Variants in NTRK3 observed in about 807,000 individuals in gnomAD.
NTRK3 encodes neurotrophic receptor tyrosine kinase 3, also known as NT-3 growth factor receptor.
Under a neutral mutation model 91.7 loss-of-function variants are expected in NTRK3, and 24 were observed. That is an observed-to-expected ratio of 0.26 (90% CI 0.19 to 0.37). NTRK3 has a LOEUF of 0.37. NTRK3 is among the 10% of genes least tolerant of loss of function. The probability of loss-of-function intolerance (pLI) is 1.00; values close to 1 mark genes in which losing one functional copy is unlikely to be tolerated. For missense variants in NTRK3, 880 were observed against 1,068.9 expected, an observed-to-expected ratio of 0.82 and a Z score of 2.46; for synonymous variants, 483 against 404.0, an observed-to-expected ratio of 1.20 and a Z score of -2.34.
exon 19 of NTRK3, chr15:87,870,712 A>G (rs933661439): frequency 4.9e-5 from 11 of 222,718 alleles, no homozygotes; most frequent in Non-Finnish European, 9.0e-5. Flanking sequence ...CATTGCTAAA[A>G]TGAGAAGAAA....
At chr15:88,131,901 A>T (rs907304461) in intron 10 of NTRK3, 1 of 192,758 alleles carries the variant, frequency 5.2e-6, no homozygotes, top group East Asian at 8.1e-5. Flanking sequence ...CTCTGACTGC[A>T]CCAGCAGGCT....
intron 13 of NTRK3, among the ~76,000 whole-genome samples, chr15:88,044,934 T>C (rs2080036109): frequency 6.6e-6 from 1 of 152,220 alleles, no homozygotes; most frequent in South Asian, 2.1e-4. Context: ...GGGCTGTGCA[T>C]GCCCTGCGGG....
At chr15:87,952,005 T>A (rs2071152884) in intron 14 of NTRK3, among the ~76,000 whole-genome samples, 1 of 151,972 alleles carries the variant, frequency 6.6e-6, no homozygotes, top group African/African-American at 2.4e-5. Flanking sequence ...CACGCACCTG[T>A]AATCCTAGCT....
chr15:88,231,531 C>A (rs1598082492), intron 3 of NTRK3, among the ~76,000 whole-genome samples: 1 of 151,980 alleles, frequency 6.6e-6, no homozygotes, highest in Non-Finnish European at 1.5e-5. Flanking sequence ...TGAGTCTATG[C>A]AAATTTAGCT....
chr15:88,049,036 G>T (rs1433747681), intron 13 of NTRK3, among the ~76,000 whole-genome samples: 1 of 152,170 alleles, frequency 6.6e-6, no homozygotes, highest in Non-Finnish European at 1.5e-5. Context: ...AATCAGAGAA[G>T]GATATATTTT....
chr15:88,048,527 G>A (rs1331901826), intron 13 of NTRK3, among the ~76,000 whole-genome samples: 1 of 152,118 alleles, frequency 6.6e-6, no homozygotes, highest in Non-Finnish European at 1.5e-5. Flanking sequence ...CCTGGTGTCT[G>A]CAGGGGTAAC....
intron 14 of NTRK3, among the ~76,000 whole-genome samples, chr15:87,953,668 CCTCAGGAACCCACATCAAACACA>C (rs753808984): frequency 7.9e-5 from 12 of 152,172 alleles, no homozygotes; most frequent in Non-Finnish European, 1.8e-4. Context: ...GGGGCATCAG[CCTCAGGAACCCACATCAAACACA>C]CTCAGGAGCC....
intron 6 of NTRK3, among the ~76,000 whole-genome samples, chr15:88,139,696 G>C (rs974569690): frequency 1.3e-5 from 2 of 152,078 alleles, no homozygotes; most frequent in African/African-American, 4.8e-5. Context: ...AGGAGGGAGG[G>C]GCCCTCTCTG....
At chr15:88,120,034 T>C (rs571161566) in intron 13 of NTRK3, among the ~76,000 whole-genome samples, 1 of 152,184 alleles carries the variant, frequency 6.6e-6, no homozygotes, top group South Asian at 2.1e-4. Context: ...GCATCAAAAC[T>C]CAGGAGTCCT....
At chr15:88,169,628 C>T (rs753134486) in intron 5 of NTRK3, among the ~76,000 whole-genome samples, 2 of 152,180 alleles carry the variant, frequency 1.3e-5, no homozygotes, top group Non-Finnish European at 2.9e-5. Context: ...AAGATTCCAA[C>T]CCTTTAGTAC....
chr15:87,955,094 T>G (rs1480756454), intron 14 of NTRK3, among the ~76,000 whole-genome samples: 1 of 152,234 alleles, frequency 6.6e-6, no homozygotes, highest in African/African-American at 2.4e-5. Flanking sequence ...GCAAATGAGT[T>G]AATATTCATC....
chr15:88,228,150 T>C lies in NTRK3; in HGVS notation c.248+27756A>G, dbSNP rs543832557. 2.0e-4 allele frequency among the ~76,000 whole-genome samples: 30 copies of C among 152,206 alleles called. No homozygotes were observed. The South Asian group carries it at 6.2e-3, about 32-fold the overall frequency. On this transcript the variant is annotated intron_variant, in intron 3 of 18. Coordinates refer to ENST00000394480, the Ensembl canonical transcript of NTRK3. ...CATATCCACTCCCTGCTGATCTTCC[T>C]CTATCTCTGGGCACGTCACTCCCCT... is the stretch of plus-strand genomic sequence containing the variant.
At chr15:88,130,903 A>G (rs1024819713) in intron 10 of NTRK3, among the ~76,000 whole-genome samples, 19 of 131,936 alleles carry the variant, frequency 1.4e-4, no homozygotes, top group African/African-American at 4.3e-4. Context: ...ACCAATGTTA[A>G]CAACCTGGTT....
At chr15:87,950,229 T>G (rs1476505820) in intron 14 of NTRK3, among the ~76,000 whole-genome samples, 1 of 152,190 alleles carries the variant, frequency 6.6e-6, no homozygotes, top group East Asian at 1.9e-4. Context: ...TGCAGCTCCA[T>G]GATGAAAGTC....
At position 88,136,709 on chromosome 15, in the gene NTRK3, G is replaced by A. The variant is rs1398938980; in HGVS notation, c.623-100C>T. On this transcript the variant is annotated intron_variant, in intron 7 of 18. Transcript: ENST00000394480. ...ATGGTGGCACTTCTTGCCTTGCCCAGTAATGACTCTAACACCACCTGCTTG... is the reference window on the plus strand; with the variant it reads ...ATGGTGGCACTTCTTGCCTTGCCCAATAATGACTCTAACACCACCTGCTTG... The A allele has an allele frequency of 2.1e-6, 3 of 1,440,724 alleles. No homozygotes were observed. In the African/African-American group the frequency reaches 4.2e-5, roughly 20 times the overall value. The allele number at this position is 1,440,724 out of a possible 1,614,324, so 89.2% of individuals were successfully genotyped here.
chr15:87,967,349 C>G (rs2072880543), intron 14 of NTRK3, among the ~76,000 whole-genome samples: 1 of 152,046 alleles, frequency 6.6e-6, no homozygotes, highest in African/African-American at 2.4e-5. Context: ...ACAGAGTTAA[C>G]CTAAGGAAGC....
chr15:87,920,624 T>C (rs779210121), intron 17 of NTRK3, among the ~76,000 whole-genome samples: 11 of 152,238 alleles, frequency 7.2e-5, no homozygotes, highest in Non-Finnish European at 1.2e-4. Flanking sequence ...TGCACAGTTC[T>C]AAAAGATTCT....
intron 6 of NTRK3, among the ~76,000 whole-genome samples, chr15:88,139,929 G>A (rs1404342413): frequency 8.7e-5 from 12 of 138,254 alleles, no homozygotes; most frequent in African/African-American, 2.6e-4. Context: ...TGGGAGGGGG[G>A]GAGTGTGGGG....
At chr15:88,181,872 C>T (rs967442428) in intron 5 of NTRK3, among the ~76,000 whole-genome samples, 2 of 152,194 alleles carry the variant, frequency 1.3e-5, no homozygotes, top group African/African-American at 4.8e-5. Context: ...GGGCATTTGG[C>T]TTTGTGACCC....
Sources: gnomAD v4.1 joint callset for allele counts (sites outside exome capture counted in the v4.1 genomes callset) on GRCh38, gnomAD v4.1.1 for gene constraint, MANE v1.5 for transcripts, NCBI Gene and HGNC (gene_info 2026-07-23, HGNC 2026-07-21) for gene names.